GAB3: variants seen among roughly 807,000 people sequenced by gnomAD.
GAB3 encodes GRB2 associated binding protein 3, also known as GRB2-associated-binding protein 3.
Under a neutral mutation model 40.4 loss-of-function variants are expected in GAB3, and 12 were observed. That is an observed-to-expected ratio of 0.30 (90% CI 0.19 to 0.48). The LOEUF (loss-of-function observed/expected upper bound fraction) is 0.48, where lower values mean the gene tolerates loss of function less well. Ranked by LOEUF, GAB3 falls within the 20% of genes least tolerant of loss-of-function variation. The pLI is 0.99. For missense variants in GAB3, 381 were observed against 461.9 expected (o/e 0.82, Z 1.61); for synonymous variants, 154 against 176.7 (o/e 0.87, Z 1.02).
At position 154,677,062 on chromosome X, in the gene GAB3, G is replaced by A. The variant is rs781989936; in HGVS notation, c.*1116C>T. On this transcript the variant is annotated 3_prime_UTR_variant, in exon 10 of 10. Coordinates refer to ENST00000424127, the MANE Select transcript of GAB3 (RefSeq NM_001081573.3). ...TCATAGGTTTTTTCCTGGTCATTGT[G>A]TCTGCTAGCTCACAGGGAAACACAC... is the stretch of plus-strand genomic sequence containing the variant. The A allele has an allele frequency of 5.4e-5, 6 of 111,781 alleles. No individual in the cohort carries two copies. The highest frequency in any genetic ancestry group is 1.9e-4 in the African/African-American group (6 of 30,786). The allele number at this position is 111,781 out of a possible 1,213,427, so 9.2% of individuals were successfully genotyped here.
chrX:154,696,083 G>GCC, intron 7 of GAB3, 64 bp from the exon 8 acceptor site: 1 of 627,498 alleles, frequency 1.6e-6, no homozygotes, highest in Non-Finnish European at 2.5e-6. Context: ...AGCTGGCCAG[G>GCC]AACTAACATG....
chrX:154,696,293 T>C (rs1168563966), intron 7 of GAB3, among the ~76,000 whole-genome samples: 2 of 89,783 alleles, frequency 2.2e-5, no homozygotes, highest in African/African-American at 8.5e-5. Flanking sequence ...CATCATATCA[T>C]TTAGCAAAAA....
At chrX:154,688,096 G>A (rs2070486400) in intron 8 of GAB3, among the ~76,000 whole-genome samples, 1 of 111,682 alleles carries the variant, frequency 9.0e-6, no homozygotes, top group Non-Finnish European at 1.9e-5. Context: ...AATGAACTAA[G>A]GTTAGGCAGA....
intron 1 of GAB3, among the ~76,000 whole-genome samples, chrX:154,726,707 C>A (rs1265540939): frequency 1.8e-5 from 2 of 111,836 alleles, no homozygotes; most frequent in Non-Finnish European, 3.8e-5. Flanking sequence ...GCTTTTATTT[C>A]ATGGCCACTT....
intron 8 of GAB3, among the ~76,000 whole-genome samples, chrX:154,686,455 C>T (rs1603422518): frequency 9.3e-6 from 1 of 107,722 alleles, no homozygotes; most frequent in East Asian, 3.0e-4. Context: ...AAAAAAAATC[C>T]CAAGAAATCT....
chrX:154,741,533 G>A (rs782026612), intron 1 of GAB3, among the ~76,000 whole-genome samples: 60 of 109,392 alleles, frequency 5.5e-4, no homozygotes, highest in Non-Finnish European at 8.8e-4. Flanking sequence ...GAAATGAGCC[G>A]GGTGCAGTGG....
intron 1 of GAB3, among the ~76,000 whole-genome samples, chrX:154,722,266 A>AT (rs1396473463): frequency 2.8e-5 from 3 of 106,764 alleles, no homozygotes; most frequent in African/African-American, 6.7e-5. Context: ...ATAAATATAT[A>AT]AAAAAAAAAC....
chrX:154,726,067 G>A (rs1473168491), intron 1 of GAB3, among the ~76,000 whole-genome samples: 3 of 111,653 alleles, frequency 2.7e-5, no homozygotes, highest in Non-Finnish European at 5.6e-5. Context: ...TACTAAATAT[G>A]CAAAGAAGCA....
intron 1 of GAB3, among the ~76,000 whole-genome samples, chrX:154,733,924 A>G (rs143421860): frequency 2.4e-3 from 265 of 112,319 alleles, no homozygotes; most frequent in African/African-American, 8.2e-3. Flanking sequence ...TTCATCTCTT[A>G]TATTTACTTA....
intron 1 of GAB3, among the ~76,000 whole-genome samples, chrX:154,721,666 G>A (rs1411942979): frequency 8.9e-6 from 1 of 112,195 alleles, no homozygotes; most frequent in African/African-American, 3.2e-5. Context: ...AAAGATGCTC[G>A]ATATCACTAA....
At chrX:154,745,334 A>G (rs782186455) in intron 1 of GAB3, among the ~76,000 whole-genome samples, 11 of 104,754 alleles carry the variant, frequency 1.1e-4, no homozygotes, top group Admixed American at 6.2e-4. Flanking sequence ...TCAGTCTCAG[A>G]AAAAAAAAAA....
intron 1 of GAB3, among the ~76,000 whole-genome samples, chrX:154,733,321 T>C (rs782652554): frequency 3.6e-5 from 4 of 112,631 alleles, no homozygotes; most frequent in African/African-American, 1.3e-4. Context: ...TGTGAACTGC[T>C]GTTCATGTAT....
intron 1 of GAB3, among the ~76,000 whole-genome samples, chrX:154,725,208 A>C (rs782564962): frequency 1.2e-4 from 13 of 111,206 alleles, no homozygotes; most frequent in Admixed American, 1.1e-3. Flanking sequence ...GTGAGACTAT[A>C]ATGACCTCTC....
chrX:154,706,286 C>T (rs954909102), intron 4 of GAB3, among the ~76,000 whole-genome samples: 5 of 109,266 alleles, frequency 4.6e-5, no homozygotes, highest in Non-Finnish European at 7.6e-5. Context: ...CATGGTGGGG[C>T]ATGCGTGTAA....
intron 7 of GAB3, 151 bp downstream of exon 7, chrX:154,696,981 A>G: frequency 2.3e-6 from 1 of 438,124 alleles, no homozygotes; most frequent in Non-Finnish European, 3.9e-6. Flanking sequence ...TTCCTTTGTG[A>G]TCCATAAAAC....
chrX:154,730,506 C>A (rs782116744), intron 1 of GAB3, among the ~76,000 whole-genome samples: 4 of 112,008 alleles, frequency 3.6e-5, no homozygotes, highest in Non-Finnish European at 7.5e-5. Context: ...TGGTAACCTC[C>A]CAAGACCTGC....
chrX:154,706,152 G>A (rs1444965125), intron 4 of GAB3, among the ~76,000 whole-genome samples: 3 of 111,394 alleles, frequency 2.7e-5, no homozygotes, highest in South Asian at 3.7e-4. Context: ...ACAGTGGCTC[G>A]CACCTGTAAT....
At chrX:154,728,923 G>C (rs782818617) in intron 1 of GAB3, among the ~76,000 whole-genome samples, 3 of 112,107 alleles carry the variant, frequency 2.7e-5, no homozygotes, top group Non-Finnish European at 5.6e-5. Flanking sequence ...TGGTTTCAGT[G>C]GTGGGTACAT....
At position 154,713,757 on chromosome X, in the gene GAB3, A is replaced by G. The variant is rs1344261609; in HGVS notation, c.377-331T>C. ...AACTAACAAACATATATATATATATATATATATATATATATATATATATAT... is the reference window on the plus strand; with the variant it reads ...AACTAACAAACATATATATATATATGTATATATATATATATATATATATAT... On this transcript the variant is annotated intron_variant, in intron 2 of 9. Coordinates refer to ENST00000424127, the MANE Select transcript of GAB3 (RefSeq NM_001081573.3). 3.4e-4 allele frequency among the ~76,000 whole-genome samples: 23 copies of G among 67,092 alleles called. 3 individuals carry two copies. The highest frequency in any genetic ancestry group is 3.9e-4 in the Non-Finnish European group (14 of 35,511). The allele number at this position is 67,092 out of a possible 115,157, so 58.3% of individuals were successfully genotyped here.
Sources: gnomAD v4.1 joint callset for allele counts (sites outside exome capture counted in the v4.1 genomes callset) on GRCh38, gnomAD v4.1.1 for gene constraint, MANE v1.5 for transcripts, NCBI Gene and HGNC (gene_info 2026-07-23, HGNC 2026-07-21) for gene names.